Variants in TAFA1 observed in about 807,000 individuals in gnomAD.
TAFA1 encodes the protein chemokine-like protein TAFA-1.
A neutral mutation model predicts 18.5 loss-of-function variants in TAFA1; 4 were observed. The observed-to-expected ratio is 0.22, with a 90% CI of 0.11 to 0.49. The LOEUF (loss-of-function observed/expected upper bound fraction) is 0.49. Among genes scored for constraint, TAFA1 ranks in the 20% least tolerant of loss-of-function variants. TAFA1 has a pLI of 0.98. For synonymous variants in TAFA1, 56 were observed against 55.2 expected, an observed-to-expected ratio of 1.01 and a Z score of -0.06; for missense variants, 147 against 169.0, an observed-to-expected ratio of 0.87 and a Z score of 0.72.
At chr3:68,529,783 A>C (rs2073164829) in intron 3 of TAFA1, among the ~76,000 whole-genome samples, 1 of 151,978 alleles carries the variant, frequency 6.6e-6, no homozygotes, top group Non-Finnish European at 1.5e-5. Flanking sequence ...GAATTCACTC[A>C]CCCTCCCCTG....
intron 2 of TAFA1, among the ~76,000 whole-genome samples, chr3:68,007,289 A>G (rs1171343564): frequency 6.6e-6 from 1 of 151,890 alleles, no homozygotes; most frequent in Non-Finnish European, 1.5e-5. Flanking sequence ...CTCTTTTGGC[A>G]GTTTCAGGGA....
chr3:68,253,896 CATT>C (rs1318007921), intron 2 of TAFA1, among the ~76,000 whole-genome samples: 1 of 152,124 alleles, frequency 6.6e-6, no homozygotes, highest in Non-Finnish European at 1.5e-5. Context: ...TATTGTGTGA[CATT>C]AGTTTCAGAT....
chr3:68,069,109 T>A (rs755492602), intron 2 of TAFA1, among the ~76,000 whole-genome samples: 3 of 152,192 alleles, frequency 2.0e-5, no homozygotes, highest in Non-Finnish European at 4.4e-5. Flanking sequence ...AGACTGGACT[T>A]TGGAAAATAA....
chr3:68,346,450 A>G (rs541852876), intron 2 of TAFA1, among the ~76,000 whole-genome samples: 1 of 152,274 alleles, frequency 6.6e-6, no homozygotes, highest in Non-Finnish European at 1.5e-5. Context: ...TCTTGTGTTA[A>G]TATTCAGGAG....
chr3:68,169,432 G>A (rs1399115969), intron 2 of TAFA1, among the ~76,000 whole-genome samples: 1 of 152,232 alleles, frequency 6.6e-6, no homozygotes, highest in African/African-American at 2.4e-5. Flanking sequence ...CTGAACTGGA[G>A]TCTCCTAACC....
intron 2 of TAFA1, among the ~76,000 whole-genome samples, chr3:68,260,650 A>G (rs563099475): frequency 6.6e-6 from 1 of 152,282 alleles, no homozygotes; most frequent in African/African-American, 2.4e-5. Flanking sequence ...GACAAACCTG[A>G]CAAAAACAAG....
At chr3:68,233,043 T>G (rs560289146) in intron 2 of TAFA1, among the ~76,000 whole-genome samples, 3 of 152,332 alleles carry the variant, frequency 2.0e-5, no homozygotes, top group Non-Finnish European at 2.9e-5. Flanking sequence ...TGATAGTAGC[T>G]GTTCTAATGG....
chr3:67,997,915 C>T, the TAFA1 span, among the ~76,000 whole-genome samples: 1 of 151,736 alleles, frequency 6.6e-6, no homozygotes, highest in African/African-American at 2.4e-5. Context: ...AAGCACAATA[C>T]TTTAGATTGG....
intron 2 of TAFA1, among the ~76,000 whole-genome samples, chr3:68,038,643 A>AGCAGTTTAAAGTAGAAGCTATTGT (rs1292070938): frequency 6.6e-6 from 1 of 152,170 alleles, no homozygotes; most frequent in Non-Finnish European, 1.5e-5. Flanking sequence ...CTGAATTATA[A>AGCAGTTTAAAGTAGAAGCTATTGT]GCAGTTTAAA....
chr3:68,496,747 G>A (rs2072556775), intron 3 of TAFA1, among the ~76,000 whole-genome samples: 2 of 152,156 alleles, frequency 1.3e-5, no homozygotes, highest in African/African-American at 4.8e-5. Flanking sequence ...CCGTAATTAT[G>A]CATGTAAATT....
In TAFA1 at chr3:68,073,668, A is replaced by AT. The variant is rs369355604; in HGVS notation, c.118+66933dup. Among the ~76,000 whole-genome samples the AT allele has an allele frequency of 2.7e-4, 41 of 151,746 alleles. 1 individual carries two copies. The highest frequency in any genetic ancestry group is 7.7e-4 in the East Asian group (4 of 5,166). Reference sequence around the variant, plus strand: ...TAAGTATTGCATCTCTATACACAATATTTTTTTTTCTCCAATGTATATTAG... The same window carrying AT: ...TAAGTATTGCATCTCTATACACAATATTTTTTTTTTCTCCAATGTATATTAG... On this transcript the variant is annotated intron_variant, in intron 2 of 4. Transcript: ENST00000478136.
At chr3:68,118,713 T>C (rs759684947) in intron 2 of TAFA1, among the ~76,000 whole-genome samples, 3 of 152,224 alleles carry the variant, frequency 2.0e-5, no homozygotes, top group Non-Finnish European at 2.9e-5. Context: ...ATTTCCTTCC[T>C]TTTTTAGGCT....
intron 2 of TAFA1, among the ~76,000 whole-genome samples, chr3:68,303,789 G>T (rs2068355516): frequency 6.6e-6 from 1 of 152,042 alleles, no homozygotes; most frequent in African/African-American, 2.4e-5. Flanking sequence ...TCACAAAGAG[G>T]CAAATTTATT....
Position 68,417,416 on chromosome 3 carries a change from C to T in TAFA1, c.255C>T (p.Val85=), listed in dbSNP as rs752805178. ...AGTTRNRPSC[V]DASIVIGKWW... is the part of the protein sequence containing the mutation. ...CAACAAGAAACCGGCCTTCTTGCGT[C>T]GATGGTAGGTACCTGGTTTTACCTC... is the stretch of plus-strand genomic sequence containing the variant. Residue 85 remains valine (V), a synonymous_variant, in exon 3 of 5, where the codon GTC becomes GTT. Coordinates refer to ENST00000478136, the MANE Select transcript of TAFA1 (RefSeq NM_213609.4). 11 of 1,613,298 alleles carry T rather than the reference C, an allele frequency of 6.8e-6. No homozygotes were observed. Among genetic ancestry groups the T allele is most frequent in the South Asian group, 3.3e-5 (3 of 91,040 alleles).
At chr3:68,267,521 T>C (rs1033090285) in intron 2 of TAFA1, among the ~76,000 whole-genome samples, 1 of 152,142 alleles carries the variant, frequency 6.6e-6, no homozygotes, top group Non-Finnish European at 1.5e-5. Flanking sequence ...TCCCACCCTA[T>C]AGATGGAAGT....
At chr3:68,188,545 C>A (rs2066299101) in intron 2 of TAFA1, among the ~76,000 whole-genome samples, 1 of 143,194 alleles carries the variant, frequency 7.0e-6, no homozygotes, top group African/African-American at 2.5e-5. Context: ...AGAGAGAGTA[C>A]CATCAGAAAC....
chr3:68,228,685 A>G (rs759450838), intron 2 of TAFA1, among the ~76,000 whole-genome samples: 1 of 152,192 alleles, frequency 6.6e-6, no homozygotes, highest in African/African-American at 2.4e-5. Context: ...TTTAGAATTT[A>G]CTAGTTCTCA....
At chr3:68,495,929 G>A (rs2072538273) in intron 3 of TAFA1, among the ~76,000 whole-genome samples, 1 of 137,748 alleles carries the variant, frequency 7.3e-6, no homozygotes, top group Admixed American at 7.8e-5. Context: ...AAGTGCTTCT[G>A]TTTATTCTGC....
intron 2 of TAFA1, among the ~76,000 whole-genome samples, chr3:68,201,590 T>C (rs1191326148): frequency 6.6e-6 from 1 of 151,814 alleles, no homozygotes. Context: ...AAGATTATTA[T>C]GTCTTCTTGG....
Sources: gnomAD v4.1 joint callset for allele counts (sites outside exome capture counted in the v4.1 genomes callset) on GRCh38, gnomAD v4.1.1 for gene constraint, MANE v1.5 for transcripts, NCBI Gene and HGNC (gene_info 2026-07-23, HGNC 2026-07-21) for gene names.